Variants in CNTLN observed in about 807,000 individuals in gnomAD.
The protein encoded by CNTLN is centlein, centrosomal protein.
Under a neutral mutation model 180.0 loss-of-function variants are expected in CNTLN, and 212 were observed. The ratio of observed to expected loss-of-function variants is 1.18; its 90% confidence interval spans 1.05 to 1.32. CNTLN has a LOEUF of 1.32. Ranked by LOEUF, CNTLN falls within the 40% of genes most tolerant of loss-of-function variation. The pLI is 0.00. For synonymous variants in CNTLN, 722 were observed against 563.1 expected (o/e 1.28, Z -3.99); for missense variants, 2,095 against 1,610.9 (o/e 1.30, Z -5.14).
At position 17,344,883 on chromosome 9, in the gene CNTLN, C is replaced by A. The variant is rs74981994; in HGVS notation, c.1886+2439C>A. Among the ~76,000 whole-genome samples, 753 of 152,242 alleles carry A rather than the reference C, an allele frequency of 4.9e-3. 4 individuals carry two copies. The highest frequency in any genetic ancestry group is 0.017 in the African/African-American group (701 of 41,544). On this transcript the variant is annotated intron_variant, in intron 12 of 25. Transcript: ENST00000380647. Reference sequence around the variant, plus strand: ...TCTCAAAAAATTTCCTCATCCTGCCCCTTTGTAGTCAAATCTTCCTACCGC... The same window carrying A: ...TCTCAAAAAATTTCCTCATCCTGCCACTTTGTAGTCAAATCTTCCTACCGC...
At chr9:17,275,041 C>G (rs10962994) in intron 6 of CNTLN, among the ~76,000 whole-genome samples, 46,161 of 151,820 alleles carry the variant, frequency 0.3, 7,118 homozygotes, top group South Asian at 0.41. Flanking sequence ...CATATCAACT[C>G]ATGTTATAAT....
chr9:17,315,008 A>G (rs763767459), intron 8 of CNTLN, among the ~76,000 whole-genome samples: 11 of 152,150 alleles, frequency 7.2e-5, no homozygotes, highest in Non-Finnish European at 1.6e-4. Context: ...TTAATTATAC[A>G]TCTATTTTAC....
the CNTLN span, among the ~76,000 whole-genome samples, chr9:17,522,291 C>T: frequency 1.7e-4 from 26 of 152,118 alleles, no homozygotes; most frequent in Admixed American, 9.2e-4. Flanking sequence ...TACCGATTGT[C>T]GAGCTGTGTA....
intron 24 of CNTLN, among the ~76,000 whole-genome samples, chr9:17,486,540 A>G (rs1428273766): frequency 1.3e-5 from 2 of 152,144 alleles, no homozygotes. Context: ...GCATTTAAAT[A>G]TACCGGAGTC....
rs536077039 is a variant in CNTLN at position 17,413,135 on chromosome 9, A to G, written c.2797-2653A>G. ...GAAATGGATCCACATAAGTATGAAC[A>G]ACTGATTTTTGACCAAGGTGCAAAG... On this transcript the variant is annotated intron_variant, in intron 16 of 25. Transcript: ENST00000380647. Among the ~76,000 whole-genome samples the G allele has an allele frequency of 5.2e-3, 612 of 117,396 alleles. 2 individuals carry two copies. The highest frequency in any genetic ancestry group is 0.035 in the South Asian group (153 of 4,388). 77.0% of individuals were successfully genotyped at this position (117,396 alleles called of 152,430 possible).
At chr9:17,312,863 T>A (rs1819298823) in intron 8 of CNTLN, among the ~76,000 whole-genome samples, 2 of 152,160 alleles carry the variant, frequency 1.3e-5, no homozygotes, top group Non-Finnish European at 1.5e-5. Flanking sequence ...TATTCAGATC[T>A]TTTATGTCTT....
At chr9:17,390,781 A>C (rs1023056421) in intron 14 of CNTLN, among the ~76,000 whole-genome samples, 15 of 152,288 alleles carry the variant, frequency 9.8e-5, no homozygotes, top group Admixed American at 4.6e-4. Context: ...TCCCTTTTCA[A>C]AATGTTTAGA....
intron 19 of CNTLN, among the ~76,000 whole-genome samples, chr9:17,460,284 C>A (rs1242713093): frequency 1.3e-5 from 2 of 151,648 alleles, no homozygotes; most frequent in African/African-American, 4.8e-5. Context: ...CTATACTATG[C>A]AAATTTTAAA....
the CNTLN span, among the ~76,000 whole-genome samples, chr9:17,510,509 A>C: frequency 6.6e-6 from 1 of 152,178 alleles, no homozygotes; most frequent in Admixed American, 6.5e-5. Context: ...TTAACCTTTA[A>C]GTCAGTGGAC....
intron 23 of CNTLN, among the ~76,000 whole-genome samples, chr9:17,484,072 G>T (rs1326473044): frequency 1.3e-5 from 2 of 152,114 alleles, no homozygotes; most frequent in East Asian, 3.9e-4. Flanking sequence ...AGGGATGGGG[G>T]AGCTTTGCTT....
downstream of CNTLN, among the ~76,000 whole-genome samples, chr9:17,507,501 A>G (rs923274413): frequency 6.6e-6 from 1 of 152,218 alleles, no homozygotes; most frequent in Non-Finnish European, 1.5e-5. Flanking sequence ...TCCTTTGCAT[A>G]TATAACTACT....
intron 12 of CNTLN, among the ~76,000 whole-genome samples, chr9:17,364,051 T>A (rs1823611549): frequency 6.6e-6 from 1 of 152,160 alleles, no homozygotes; most frequent in South Asian, 2.1e-4. Flanking sequence ...GTCTCTATCT[T>A]TGTTGTCCTG....
chr9:17,298,156 A>C, intron 6 of CNTLN, 34 bp from the exon 7 acceptor site: 1 of 1,393,370 alleles, frequency 7.2e-7, no homozygotes, highest in Non-Finnish European at 9.4e-7. Context: ...ATCTTTATCC[A>C]TACTTTTCTC....
In CNTLN at chr9:17,309,239, A is replaced by G; in HGVS notation, c.1328A>G (p.Asp443Gly). 2 of 1,583,918 alleles carry G rather than the reference A, an allele frequency of 1.3e-6. No homozygotes were observed. The highest frequency in any genetic ancestry group is 1.2e-5 in the South Asian group (1 of 85,694). Residue 443 changes from aspartate (D) to glycine (G), a missense_variant, in exon 8 of 26, where the codon GAC becomes GGC. By Grantham distance (94) the Asp-to-Gly change is moderately conservative. Coordinates refer to ENST00000380647, the MANE Select transcript of CNTLN (RefSeq NM_017738.4). ...CCTTTACCTCAAGAAAGTGATCCAG[A>G]CTACTCAGCACAGGTGAGAGACATT... ...PLPLPQESDP[D>G]YSAQVPHRPS...
chr9:17,381,298 T>C (rs147309691), intron 13 of CNTLN, among the ~76,000 whole-genome samples: 3 of 152,342 alleles, frequency 2.0e-5, no homozygotes, highest in East Asian at 3.9e-4. Context: ...CTGGAACTTA[T>C]ACACTTCCCA....
intron 2 of CNTLN, among the ~76,000 whole-genome samples, chr9:17,222,470 T>G (rs1447783355): frequency 6.6e-6 from 1 of 152,052 alleles, no homozygotes; most frequent in African/African-American, 2.4e-5. Flanking sequence ...CTCGTGGTAG[T>G]GAAATATCGT....
chr9:17,399,250 T>C (rs1564071027), intron 15 of CNTLN, among the ~76,000 whole-genome samples: 2 of 152,224 alleles, frequency 1.3e-5, no homozygotes, highest in African/African-American at 4.8e-5. Context: ...TACTTGTTTT[T>C]CACTTGTTAA....
intron 6 of CNTLN, among the ~76,000 whole-genome samples, chr9:17,290,718 G>C (rs1201535285): frequency 6.6e-6 from 1 of 151,522 alleles, no homozygotes; most frequent in Non-Finnish European, 1.5e-5. Context: ...ATGGTTCGCC[G>C]CTTTTTAAGC....
intron 3 of CNTLN, among the ~76,000 whole-genome samples, chr9:17,231,175 C>G (rs912119337): frequency 3.3e-5 from 5 of 152,010 alleles, no homozygotes; most frequent in Non-Finnish European, 7.4e-5. Context: ...GGACTGGAAA[C>G]CAGAAGCCCC....
Sources: allele counts gnomAD v4.1 joint callset (sites outside exome capture counted in the v4.1 genomes callset), GRCh38; gene constraint gnomAD v4.1.1; transcripts MANE v1.5; gene names NCBI Gene and HGNC (gene_info 2026-07-23, HGNC 2026-07-21).